HMGXB4: variants seen among roughly 807,000 people sequenced by gnomAD.
HMGXB4 encodes the protein HMG domain-containing protein 4.
HMGXB4 carries 27 observed loss-of-function variants against 63.9 expected under a neutral mutation model. The observed-to-expected ratio is 0.42, with a 90% confidence interval of 0.31 to 0.58. HMGXB4 has a LOEUF of 0.58. HMGXB4 is among the 20% of genes least tolerant of loss of function. The pLI is 0.13. For synonymous variants in HMGXB4, 264 were observed against 265.3 expected (o/e 0.99, Z 0.05); for missense variants, 624 against 700.7 (o/e 0.89, Z 1.24).
intron 1 of HMGXB4, among the ~76,000 whole-genome samples, chr22:35,261,427 C>T (rs571289527): frequency 3.0e-5 from 4 of 131,858 alleles, no homozygotes; most frequent in African/African-American, 1.0e-4. Context: ...CAGAGCAAGA[C>T]TCTATCTCAA....
intron 5 of HMGXB4, among the ~76,000 whole-genome samples, chr22:35,276,167 T>C (rs536538596): frequency 3.4e-4 from 52 of 152,276 alleles, no homozygotes; most frequent in Admixed American, 2.7e-3. Flanking sequence ...TACACAGTGG[T>C]TAGGTTTTAA....
chr22:35,259,174 C>G (rs1224310049), intron 1 of HMGXB4, among the ~76,000 whole-genome samples: 2 of 152,180 alleles, frequency 1.3e-5, no homozygotes, highest in Non-Finnish European at 2.9e-5. Flanking sequence ...CCCCGAAGAG[C>G]TATTTAACAA....
At chr22:35,267,154 A>ATATT (rs1555887418) in intron 5 of HMGXB4, among the ~76,000 whole-genome samples, 3 of 146,272 alleles carry the variant, frequency 2.1e-5, no homozygotes, top group East Asian at 2.0e-4. Flanking sequence ...GTGTATATAT[A>ATATT]ATATATATAA....
chr22:35,246,413 T>G, the HMGXB4 span, among the ~76,000 whole-genome samples: 2 of 28,944 alleles, frequency 6.9e-5, no homozygotes, highest in Non-Finnish European at 1.6e-4. Context: ...TAGCTGGCAC[T>G]GCAGGTGCCC....
intron 9 of HMGXB4, among the ~76,000 whole-genome samples, chr22:35,289,186 CGGT>C (rs1569006940): frequency 6.6e-6 from 1 of 151,606 alleles, no homozygotes; most frequent in East Asian, 1.9e-4. Context: ...TGGCTGGGCA[CGGT>C]GGCCCATGTC....
At position 35,264,931 on chromosome 22, in the gene HMGXB4, A is replaced by T; in HGVS notation, c.543A>T (p.Thr181=). 1 of 1,614,196 alleles carries T rather than the reference A, an allele frequency of 6.2e-7. No individual in the cohort carries two copies. Among genetic ancestry groups the T allele is most frequent in the Non-Finnish European group, 8.5e-7 (1 of 1,180,044 alleles). Residue 181 remains threonine (T), a synonymous_variant, in exon 5 of 11, where the codon ACA becomes ACT. Transcript: ENST00000216106. The stretch of plus-strand genomic sequence containing the variant: ...AACCTCTCTATGTGAACACAGAGAC[A>T]CTGACCCTTCGGGAGCCTGATGGTT... ...KMKPLYVNTE[T]LTLREPDGLK...
chr22:35,263,923 T>TG, intron 4 of HMGXB4, 49 bp downstream of exon 4: 5 of 1,600,682 alleles, frequency 3.1e-6, no homozygotes, highest in Non-Finnish European at 4.3e-6. Flanking sequence ...CGCTGGTTCT[T>TG]GGAGTCGGGG....
chr22:35,267,028 G>A (rs1601628225), intron 5 of HMGXB4, among the ~76,000 whole-genome samples: 1 of 151,900 alleles, frequency 6.6e-6, no homozygotes, highest in Admixed American at 6.6e-5. Context: ...AATTTAGTTT[G>A]ATCTCTGAGG....
upstream of HMGXB4, among the ~76,000 whole-genome samples, chr22:35,256,197 G>A (rs2146386373): frequency 6.6e-6 from 1 of 152,272 alleles, no homozygotes; most frequent in Admixed American, 6.5e-5. Context: ...AAATCACCTT[G>A]CTTTTATTGG....
chr22:35,253,149 A>G (rs1236936700), upstream of HMGXB4, among the ~76,000 whole-genome samples: 1 of 151,532 alleles, frequency 6.6e-6, no homozygotes, highest in Non-Finnish European at 1.5e-5. Flanking sequence ...AAAAAAAAAA[A>G]AGAAAAAAGT....
chr22:35,253,517 T>C (rs568836599), upstream of HMGXB4, among the ~76,000 whole-genome samples: 16 of 152,332 alleles, frequency 1.1e-4, no homozygotes, highest in African/African-American at 3.4e-4. Context: ...TATTGCAACT[T>C]TGTGGTATCC....
upstream of HMGXB4, among the ~76,000 whole-genome samples, chr22:35,257,213 C>G (rs1433130404): frequency 1.3e-5 from 2 of 152,248 alleles, no homozygotes; most frequent in African/African-American, 2.4e-5. Flanking sequence ...TTCCAACTAC[C>G]TGTGTATCCT....
intron 5 of HMGXB4, among the ~76,000 whole-genome samples, chr22:35,265,983 T>C: frequency 6.6e-6 from 1 of 151,194 alleles, no homozygotes; most frequent in Admixed American, 6.6e-5. Context: ...GAGACGAGGT[T>C]TCACCATGTT....
At chr22:35,269,787 G>T (rs191510082) in intron 5 of HMGXB4, among the ~76,000 whole-genome samples, 5 of 152,116 alleles carry the variant, frequency 3.3e-5, no homozygotes, top group Non-Finnish European at 7.4e-5. Flanking sequence ...CAGGAGGATC[G>T]CTTGAGTCCA....
chr22:35,260,329 A>G (rs1197694197), intron 1 of HMGXB4, among the ~76,000 whole-genome samples: 2 of 152,224 alleles, frequency 1.3e-5, no homozygotes, highest in African/African-American at 4.8e-5. Context: ...TATAATCTAT[A>G]TATTTTTCTT....
At chr22:35,256,726 C>T (rs956061597), upstream of HMGXB4, among the ~76,000 whole-genome samples, 6 of 152,160 alleles carry the variant, frequency 3.9e-5, no homozygotes, top group Admixed American at 1.3e-4. Flanking sequence ...GTCTCGAACT[C>T]CTGACCTCAG....
chr22:35,277,064 G>A (rs1417856535), intron 5 of HMGXB4, among the ~76,000 whole-genome samples: 1 of 152,150 alleles, frequency 6.6e-6, no homozygotes, highest in Admixed American at 6.5e-5. Context: ...TCCATTTACT[G>A]TCTCACAGTT....
intron 5 of HMGXB4, among the ~76,000 whole-genome samples, chr22:35,279,028 CAG>C (rs1924075634): frequency 6.6e-6 from 1 of 150,642 alleles, no homozygotes; most frequent in African/African-American, 2.4e-5. Flanking sequence ...GCCTGCATGA[CAG>C]AGTGAGATCT....
rs1925024116 is a variant in HMGXB4 at position 35,293,053 on chromosome 22, G to T, written c.1700G>T (p.Gly567Val). The change falls in exon 10 of 11, where the codon GGC becomes GTC. Residue 567 changes from glycine to valine, a missense_variant. Gly to Val is a moderately radical substitution (Grantham distance 109). Coordinates refer to ENST00000216106, the MANE Select transcript of HMGXB4 (RefSeq NM_001003681.3). ...VLLDSIICAL[G>V]PLACLTTQLP... ...CTGGATTCCATTATCTGTGCCCTTGGCCCCTTGGCATGTCTCACCACACAA... is the reference window on the plus strand; with the variant it reads ...CTGGATTCCATTATCTGTGCCCTTGTCCCCTTGGCATGTCTCACCACACAA... The T allele has an allele frequency of 1.2e-6, 2 of 1,614,028 alleles. No homozygotes were observed. The highest frequency in any genetic ancestry group is 1.1e-5 in the South Asian group (1 of 91,086).
Sources: allele counts gnomAD v4.1 joint callset (sites outside exome capture counted in the v4.1 genomes callset), GRCh38; gene constraint gnomAD v4.1.1; transcripts MANE v1.5; gene names NCBI Gene and HGNC (gene_info 2026-07-23, HGNC 2026-07-21).